Variants in SLC38A1 observed in about 807,000 individuals in gnomAD.
The protein encoded by SLC38A1 is sodium-coupled neutral amino acid symporter 1.
SLC38A1 carries 18 observed loss-of-function variants against 60.3 expected under a neutral mutation model. The observed-to-expected ratio is 0.30, with a 90% confidence interval of 0.21 to 0.44. The LOEUF (loss-of-function observed/expected upper bound fraction) is 0.44, where lower values mean the gene tolerates loss of function less well. Among genes scored for constraint, SLC38A1 ranks in the 20% least tolerant of loss-of-function variants. SLC38A1 has a pLI of 1.00. For synonymous variants in SLC38A1, 196 were observed against 212.1 expected (o/e 0.92, Z 0.66); for missense variants, 448 against 587.2 (o/e 0.76, Z 2.45).
intron 1 of SLC38A1, among the ~76,000 whole-genome samples, chr12:46,264,263 C>T (rs1183206915): frequency 1.3e-5 from 2 of 152,208 alleles, no homozygotes; most frequent in Non-Finnish European, 2.9e-5. Context: ...TGTATCTTCA[C>T]AACTCTGAGG....
chr12:46,204,284 A>G lies in SLC38A1; in HGVS notation c.822+17T>C. On this transcript the variant is annotated intron_variant, in intron 11 of 16. Transcript: ENST00000398637. ...ATAAAAATGCTTGTTTCATCTGCAA[A>G]GGATCAGGAAACTTACCTTTGAATT... 1.4e-6 allele frequency: 2 copies of G among 1,469,982 alleles called. No individual in the cohort carries two copies. Among genetic ancestry groups the G allele is most frequent in the Middle Eastern group, 1.7e-4 (1 of 5,784 alleles). 91.1% of individuals were successfully genotyped at this position (1,469,982 alleles called of 1,614,324 possible). A position where few individuals can be genotyped will look rare whatever the true frequency, so the allele number is the denominator to read the frequency against.
chr12:46,210,480 G>A (rs1350346274), intron 5 of SLC38A1, among the ~76,000 whole-genome samples: 1 of 152,202 alleles, frequency 6.6e-6, no homozygotes, highest in Non-Finnish European at 1.5e-5. Context: ...TGATTGGTAA[G>A]GAAGTACATT....
At chr12:46,242,625 AAAC>A (rs992618880) in intron 2 of SLC38A1, among the ~76,000 whole-genome samples, 10 of 152,106 alleles carry the variant, frequency 6.6e-5, no homozygotes, top group Non-Finnish European at 1.5e-4. Context: ...CAAAAAAACA[AAAC>A]AACAACAAAA....
intron 5 of SLC38A1, among the ~76,000 whole-genome samples, chr12:46,220,103 G>A (rs1462676636): frequency 6.6e-6 from 1 of 152,184 alleles, no homozygotes; most frequent in Non-Finnish European, 1.5e-5. Context: ...TCCTACACAT[G>A]CCAACTATTT....
intron 16 of SLC38A1, among the ~76,000 whole-genome samples, chr12:46,195,451 T>C (rs7306082): frequency 0.54 from 81,681 of 151,902 alleles, 23,505 homozygotes; most frequent in African/African-American, 0.76. Flanking sequence ...AATGCCATGC[T>C]GAGAGAACCA....
intron 16 of SLC38A1, among the ~76,000 whole-genome samples, chr12:46,194,774 T>G (rs368902661): frequency 6.6e-6 from 1 of 152,200 alleles, no homozygotes; most frequent in African/African-American, 2.4e-5. Flanking sequence ...GGTTTCAGCT[T>G]CATCAGGTCA....
intron 3 of SLC38A1, among the ~76,000 whole-genome samples, chr12:46,237,149 A>G (rs1027150444): frequency 6.6e-6 from 1 of 152,218 alleles, no homozygotes; most frequent in Non-Finnish European, 1.5e-5. Context: ...CACACCATCA[A>G]TGTTTGTTTT....
At chr12:46,229,111 G>T in intron 5 of SLC38A1, 42 bp downstream of exon 5, 1 of 1,154,878 alleles carries the variant, frequency 8.7e-7, no homozygotes, top group Non-Finnish European at 1.3e-6. Flanking sequence ...CATACAAAAA[G>T]TTCAGTTTTA....
intron 1 of SLC38A1, among the ~76,000 whole-genome samples, chr12:46,246,794 T>G (rs1369220407): frequency 6.6e-6 from 1 of 152,110 alleles, no homozygotes; most frequent in African/African-American, 2.4e-5. Context: ...GAGCCCCTCT[T>G]GGACAAAGCT....
chr12:46,239,499 A>T, intron 3 of SLC38A1, 180 bp downstream of exon 3: 2 of 520,724 alleles, frequency 3.8e-6, no homozygotes, highest in African/African-American at 1.9e-5. Context: ...AATTTTTTGT[A>T]TTTTTAGTAG....
rs1592149445 is a variant in SLC38A1, at chr12:46,252,748, C to T, written c.-208-9434G>A. On this transcript the variant is annotated intron_variant, in intron 1 of 16. Coordinates refer to ENST00000398637, the MANE Select transcript of SLC38A1 (RefSeq NM_030674.4). ...GTTTTTCTATGCACATAGAAATGTT[C>T]TTTCTATGTTCGTTGCAGCATTATT... is the stretch of plus-strand genomic sequence containing the variant. 2.6e-5 allele frequency among the ~76,000 whole-genome samples: 4 copies of T among 151,112 alleles called. No homozygotes were observed. In the South Asian group the frequency reaches 8.3e-4, roughly 31 times the overall value.
intron 8 of SLC38A1, 123 bp from the exon 9 acceptor site, chr12:46,206,285 T>G: frequency 3.8e-6 from 2 of 524,538 alleles, no homozygotes; most frequent in Admixed American, 3.5e-5. Flanking sequence ...GCATTAATTT[T>G]TAAAATCATT....
At chr12:46,244,366 C>G (rs1941545556) in intron 1 of SLC38A1, among the ~76,000 whole-genome samples, 1 of 152,146 alleles carries the variant, frequency 6.6e-6, no homozygotes, top group African/African-American at 2.4e-5. Flanking sequence ...GTGGATTGGT[C>G]CACTCAATAT....
intron 1 of SLC38A1, among the ~76,000 whole-genome samples, chr12:46,259,663 G>A (rs1484304120): frequency 6.6e-6 from 1 of 152,108 alleles, no homozygotes; most frequent in East Asian, 1.9e-4. Context: ...GAAAAACCTG[G>A]GAAGCTAGTA....
intron 13 of SLC38A1, among the ~76,000 whole-genome samples, chr12:46,199,987 T>C (rs1159737434): frequency 2.0e-5 from 3 of 152,228 alleles, no homozygotes; most frequent in African/African-American, 7.2e-5. Context: ...TCCTTTTTCT[T>C]TAATCCAAGA....
At chr12:46,215,451 A>T (rs1940364074) in intron 5 of SLC38A1, among the ~76,000 whole-genome samples, 2 of 151,950 alleles carry the variant, frequency 1.3e-5, no homozygotes, top group East Asian at 3.9e-4. Context: ...TTGCTCTGTC[A>T]CCCAGGCTGG....
intron 9 of SLC38A1, among the ~76,000 whole-genome samples, chr12:46,205,240 G>A (rs1196183229): frequency 2.6e-5 from 4 of 152,066 alleles, no homozygotes; most frequent in African/African-American, 4.8e-5. Flanking sequence ...TAACTGAAAA[G>A]AGCTACCTCT....
At chr12:46,249,708 C>G (rs1941765866) in intron 1 of SLC38A1, among the ~76,000 whole-genome samples, 1 of 152,190 alleles carries the variant, frequency 6.6e-6, no homozygotes, top group South Asian at 2.1e-4. Flanking sequence ...ACTATAAACA[C>G]CTCTACACAG....
chr12:46,248,682 C>T (rs1173393900), intron 1 of SLC38A1, among the ~76,000 whole-genome samples: 2 of 152,178 alleles, frequency 1.3e-5, no homozygotes, highest in East Asian at 3.8e-4. Context: ...TAATAGATAT[C>T]TACAGAACTC....
Sources: gnomAD v4.1 joint callset for allele counts (sites outside exome capture counted in the v4.1 genomes callset) on GRCh38, gnomAD v4.1.1 for gene constraint, MANE v1.5 for transcripts, NCBI Gene and HGNC (gene_info 2026-07-23, HGNC 2026-07-21) for gene names.